The following ELAVL4 variants were observed in gnomAD, a reference collection of about 807,000 sequenced individuals.
ELAVL4 encodes the protein ELAV-like protein 4.
In ELAVL4, 1 loss-of-function variant was observed where a neutral mutation model predicts 35.6. That is an observed-to-expected ratio of 0.03 (90% CI 0.01 to 0.13). The LOEUF is 0.13. ELAVL4 is among the 10% of genes least tolerant of loss of function. The pLI is 1.00. For synonymous variants in ELAVL4, 156 were observed against 171.0 expected (o/e 0.91, Z 0.69); for missense variants, 267 against 464.9 (o/e 0.57, Z 3.91).
At chr1:50,125,396 A>C (rs916060294) in intron 1 of ELAVL4, among the ~76,000 whole-genome samples, 4 of 152,168 alleles carry the variant, frequency 2.6e-5, no homozygotes, top group Admixed American at 1.3e-4. Flanking sequence ...TAGTTCAGCC[A>C]GTGCCTTGCT....
intron 1 of ELAVL4, among the ~76,000 whole-genome samples, chr1:50,132,189 A>G (rs1670974850): frequency 6.6e-6 from 1 of 152,170 alleles, no homozygotes; most frequent in South Asian, 2.1e-4. Context: ...AGAAAGAGAG[A>G]GAGAAGCTTA....
At chr1:50,193,658 C>T (rs868676263) in intron 3 of ELAVL4, 107 bp from the exon 4 acceptor site, 6 of 1,369,180 alleles carry the variant, frequency 4.4e-6, no homozygotes, top group South Asian at 4.3e-5. Flanking sequence ...AAACTGACAC[C>T]ATGAGTTGTA....
At chr1:50,072,261 G>A (rs1664564396) in intron 1 of ELAVL4, among the ~76,000 whole-genome samples, 1 of 152,154 alleles carries the variant, frequency 6.6e-6, no homozygotes, top group South Asian at 2.1e-4. Flanking sequence ...CCCCAAGCAA[G>A]CTTTTATTTT....
In ELAVL4 at chr1:50,109,145, A is replaced by G. The variant is rs776989921; in HGVS notation, c.-45A>G. 4 of 1,596,608 alleles carry G rather than the reference A, an allele frequency of 2.5e-6. No individual in the cohort carries two copies. Among genetic ancestry groups the G allele is most frequent in the African/African-American group, 1.4e-5 (1 of 73,698 alleles). ...TATTCTGAAATCTTTGCAAATTTTA[A>G]CAGAAGAGTCGAAGCTCTGCGAGAC... On this transcript the variant is annotated 5_prime_UTR_variant, in exon 1 of 7. Coordinates refer to ENST00000371824, the MANE Select transcript of ELAVL4 (RefSeq NM_001144774.3).
upstream of ELAVL4, among the ~76,000 whole-genome samples, chr1:50,104,380 C>T (rs909130559): frequency 3.5e-4 from 54 of 152,192 alleles, no homozygotes; most frequent in African/African-American, 1.3e-3. Flanking sequence ...GGTGAGTGTA[C>T]AAATTAGCTT....
At chr1:50,094,510 T>C (rs1665628498) in intron 1 of ELAVL4, among the ~76,000 whole-genome samples, 1 of 152,200 alleles carries the variant, frequency 6.6e-6, no homozygotes, top group Admixed American at 6.5e-5. Context: ...AGGATCAAGA[T>C]ACCAGCTTTA....
At chr1:50,192,993 C>G (rs1285179902) in intron 3 of ELAVL4, among the ~76,000 whole-genome samples, 2 of 152,090 alleles carry the variant, frequency 1.3e-5, no homozygotes, top group Non-Finnish European at 2.9e-5. Flanking sequence ...CAAAGTCGAA[C>G]TTATTATAAC....
chr1:50,107,791 G>A (rs1666463467), upstream of ELAVL4, among the ~76,000 whole-genome samples: 1 of 152,150 alleles, frequency 6.6e-6, no homozygotes, highest in South Asian at 2.1e-4. Flanking sequence ...AACTTCTCAG[G>A]TAAGCCACTT....
At chr1:50,101,732 C>A (rs1407112923), upstream of ELAVL4, among the ~76,000 whole-genome samples, 3 of 151,820 alleles carry the variant, frequency 2.0e-5, no homozygotes, top group Non-Finnish European at 4.4e-5. Flanking sequence ...ATACTGAGAC[C>A]CCTATCTCTA....
At chr1:50,048,511 G>A (rs1306511946) in intron 1 of ELAVL4, among the ~76,000 whole-genome samples, 1 of 152,094 alleles carries the variant, frequency 6.6e-6, no homozygotes, top group Non-Finnish European at 1.5e-5. Context: ...AGCGACAGGC[G>A]ACCCCGCAGC....
intron 2 of ELAVL4, among the ~76,000 whole-genome samples, chr1:50,153,166 G>A (rs1051396375): frequency 1.3e-5 from 2 of 152,170 alleles, no homozygotes; most frequent in South Asian, 4.1e-4. Context: ...GGGGCAAGAG[G>A]GAAGTGGAGG....
chr1:50,063,436 G>A (rs1385049437), intron 1 of ELAVL4, among the ~76,000 whole-genome samples: 1 of 152,074 alleles, frequency 6.6e-6, no homozygotes, highest in Admixed American at 6.5e-5. Flanking sequence ...CTATGCTACT[G>A]CCACTGTAGG....
chr1:50,112,951 G>A (rs1667320653), intron 1 of ELAVL4, among the ~76,000 whole-genome samples: 1 of 152,100 alleles, frequency 6.6e-6, no homozygotes, highest in Non-Finnish European at 1.5e-5. Flanking sequence ...TAGAAAGAGA[G>A]AGAGAGAAAG....
chr1:50,136,443 C>A (rs977106847), intron 1 of ELAVL4, among the ~76,000 whole-genome samples: 2 of 152,088 alleles, frequency 1.3e-5, no homozygotes, highest in African/African-American at 2.4e-5. Context: ...AAATCTATTT[C>A]TTTAATGGTT....
At chr1:50,170,365 T>C (rs1483759275) in intron 2 of ELAVL4, among the ~76,000 whole-genome samples, 1 of 152,170 alleles carries the variant, frequency 6.6e-6, no homozygotes. Flanking sequence ...AAATAGCATA[T>C]ACCAAGAAAT....
intron 2 of ELAVL4, among the ~76,000 whole-genome samples, chr1:50,161,077 T>G (rs1175202523): frequency 6.6e-6 from 1 of 152,214 alleles, no homozygotes; most frequent in Non-Finnish European, 1.5e-5. Context: ...TAAACCCTCG[T>G]GGTTAACATC....
At position 50,126,054 on chromosome 1, in the gene ELAVL4, A is replaced by G. The variant is rs2148614785; in HGVS notation, c.9+16856A>G. Among the ~76,000 whole-genome samples the G allele has an allele frequency of 2.6e-5, 4 of 152,200 alleles. No homozygotes were observed. In the South Asian group the frequency reaches 8.3e-4, roughly 32 times the overall value. On this transcript the variant is annotated intron_variant, in intron 1 of 6. Transcript: ENST00000371824. ...GCACCTAGTAGGCATCTAATAAAGG[A>G]AGATTTTTAAAATAAGCTCAGTCCC...
At chr1:50,087,383 T>C (rs1665294159) in intron 1 of ELAVL4, among the ~76,000 whole-genome samples, 1 of 152,236 alleles carries the variant, frequency 6.6e-6, no homozygotes, top group Admixed American at 6.5e-5. Context: ...CTACTGTCTC[T>C]TTTCTCACAA....
chr1:50,109,983 G>A, intron 1 of ELAVL4: 1 of 1,611,992 alleles, frequency 6.2e-7, no homozygotes, highest in Non-Finnish European at 8.5e-7. Flanking sequence ...AAAGAGGAAG[G>A]CAGCCTGGAG....
Sources: gnomAD v4.1 joint callset for allele counts (sites outside exome capture counted in the v4.1 genomes callset) on GRCh38, gnomAD v4.1.1 for gene constraint, MANE v1.5 for transcripts, NCBI Gene and HGNC (gene_info 2026-07-23, HGNC 2026-07-21) for gene names.